NEURL1: variants seen among roughly 807,000 people sequenced by gnomAD.
NEURL1 encodes the protein E3 ubiquitin-protein ligase NEURL1.
In NEURL1, 26 loss-of-function variants were observed where a neutral mutation model predicts 41.2. The ratio of observed to expected loss-of-function variants is 0.63; its 90% CI spans 0.46 to 0.87. The LOEUF (loss-of-function observed/expected upper bound fraction) is 0.87. Among genes scored for constraint, NEURL1 ranks in the 40% least tolerant of loss-of-function variants. The pLI is 0.00. For missense variants in NEURL1, 761 were observed against 871.1 expected (o/e 0.87, Z 1.59); for synonymous variants, 400 against 402.3 (o/e 0.99, Z 0.07).
chr10:103,494,478 CTCCCCGGCCG>C lies in NEURL1; in HGVS notation c.85+7_85+16del. On this transcript the variant is annotated splice_region_variant and intron_variant, in intron 1 of 5. Coordinates refer to ENST00000369780, the MANE Select transcript of NEURL1 (RefSeq NM_004210.5). ...CCACCCCCAGAACCTCAAAGGTAGG[CTCCCCGGCCG>C]AGCGCTGCTGGAGGACTGGGGCGCA... The C allele has an allele frequency of 1.3e-5, 20 of 1,557,476 alleles. No homozygotes were observed. Among genetic ancestry groups the C allele is most frequent in the Non-Finnish European group, 1.6e-5 (18 of 1,151,780 alleles).
In NEURL1 at chr10:103,591,698, C is replaced by T. The variant is rs2036053247; in HGVS notation, c.*1326C>T. 1 of 152,234 alleles carries T rather than the reference C, an allele frequency of 6.6e-6. No homozygotes were observed. The highest frequency in any genetic ancestry group is 6.5e-5 in the Admixed American group (1 of 15,280). 9.4% of individuals were successfully genotyped at this position (152,234 alleles called of 1,614,324 possible). ...CTTAGTGCCCTGGGGCTGATGGTCA[C>T]CCAGAGCCATAGAGCACCCTTCCTC... On this transcript the variant is annotated 3_prime_UTR_variant, in exon 6 of 6. Transcript: ENST00000369780.
chr10:103,519,657 C>A (rs746972301), intron 1 of NEURL1, among the ~76,000 whole-genome samples: 22 of 152,230 alleles, frequency 1.4e-4, no homozygotes, highest in Middle Eastern at 3.4e-3. Context: ...CAGAAGATGC[C>A]AAATCTCCCT....
intron 1 of NEURL1, among the ~76,000 whole-genome samples, chr10:103,507,752 C>G (rs2033981206): frequency 6.6e-6 from 1 of 152,210 alleles, no homozygotes; most frequent in African/African-American, 2.4e-5. Context: ...TTAATGTCCT[C>G]TCTGCCTGTC....
chr10:103,558,378 GT>G lies in NEURL1; in HGVS notation c.86-12490del. 3.0e-6 allele frequency: 1 copy of G among 336,138 alleles called. No individual in the cohort carries two copies. The highest frequency in any genetic ancestry group is 4.2e-6 in the Non-Finnish European group (1 of 236,388). The allele number at this position is 336,138 out of a possible 1,614,324, so 20.8% of individuals were successfully genotyped here. A position where few individuals can be genotyped will look rare whatever the true frequency, so the allele number is the denominator to read the frequency against. On this transcript the variant is annotated intron_variant, in intron 1 of 5. Coordinates refer to ENST00000369780, the MANE Select transcript of NEURL1 (RefSeq NM_004210.5). The surrounding 1 kb of genome is among the most constrained non-coding windows in gnomAD (Gnocchi z 4.2). ...CTGATGTCAACAGATGTGTATCTGT[GT>G]TTTAGATCTCTGTGTACCTGTGTGA...
rs201830019 is a variant in NEURL1 at position 103,570,952 on chromosome 10, G to A, written c.166G>A (p.Gly56Arg). Residue 56 changes from glycine to arginine, a missense_variant, in exon 2 of 6, where the codon GGG becomes AGG. Coordinates refer to ENST00000369780, the MANE Select transcript of NEURL1 (RefSeq NM_004210.5). ...QKHCPAVLPS[G>R]GLPATPLLFH... ...GCACTGTCCGGCAGTGCTGCCCAGC[G>A]GGGGGCTCCCAGCCACGCCGCTGCT... 1.1e-5 allele frequency: 17 copies of A among 1,613,894 alleles called. No homozygotes were observed. Among genetic ancestry groups the A allele is most frequent in the Admixed American group, 3.3e-5 (2 of 60,022 alleles).
In NEURL1 at chr10:103,591,325, A is replaced by G. The variant is rs2036040994; in HGVS notation, c.*953A>G. On this transcript the variant is annotated 3_prime_UTR_variant, in exon 6 of 6. Transcript: ENST00000369780. ...AGTCAGAGCCTGTGGCACACCTGGGATGGGCCAGGGCCCTGGGTGGGGAGG... is the reference window on the plus strand; with the variant it reads ...AGTCAGAGCCTGTGGCACACCTGGGGTGGGCCAGGGCCCTGGGTGGGGAGG... The G allele has an allele frequency of 6.6e-6, 1 of 152,626 alleles. No homozygotes were observed. Among genetic ancestry groups the G allele is most frequent in the Non-Finnish European group, 1.5e-5 (1 of 68,102 alleles). 9.5% of individuals were successfully genotyped at this position (152,626 alleles called of 1,614,324 possible).
At chr10:103,577,114 T>A (rs2035682027) in intron 3 of NEURL1, among the ~76,000 whole-genome samples, 1 of 152,254 alleles carries the variant, frequency 6.6e-6, no homozygotes, top group East Asian at 1.9e-4. Context: ...CAGCTGAGGC[T>A]GCCGATCATG....
intron 1 of NEURL1, among the ~76,000 whole-genome samples, chr10:103,527,574 C>G (rs1429257159): frequency 1.3e-5 from 2 of 152,148 alleles, no homozygotes; most frequent in African/African-American, 4.8e-5. Context: ...GGATTACAGG[C>G]ATGAGTCACT....
intron 1 of NEURL1, among the ~76,000 whole-genome samples, chr10:103,551,602 C>T (rs901945462): frequency 2.0e-5 from 3 of 152,292 alleles, no homozygotes; most frequent in African/African-American, 7.2e-5. Context: ...CTGTGCCCGG[C>T]CCCAAATGAA....
rs528719693 is a variant in NEURL1, at chr10:103,522,602, C to CA, written c.85+28150dup. On this transcript the variant is annotated intron_variant, in intron 1 of 5. Transcript: ENST00000369780. ...GGGCAACAAGAGCAAAACTCCATTT[C>CA]AAAAAAAAAAAAAAAAAAAAGAAGT... 5.6e-3 allele frequency among the ~76,000 whole-genome samples: 596 copies of CA among 106,618 alleles called. 4 individuals carry two copies. Among genetic ancestry groups the CA allele is most frequent in the African/African-American group, 0.011 (329 of 28,790 alleles). 69.9% of individuals were successfully genotyped at this position (106,618 alleles called of 152,430 possible).
intron 1 of NEURL1, among the ~76,000 whole-genome samples, chr10:103,570,392 C>T (rs1458124901): frequency 1.3e-5 from 2 of 152,188 alleles, no homozygotes; most frequent in Admixed American, 1.3e-4. Context: ...GCCCCGAGGA[C>T]AGGATCCATG....
intron 1 of NEURL1, among the ~76,000 whole-genome samples, chr10:103,567,070 G>A (rs571258327): frequency 1.3e-5 from 2 of 150,726 alleles, no homozygotes; most frequent in Admixed American, 6.6e-5. Context: ...GCAACCCTCC[G>A]CCTCCTGGGT....
intron 1 of NEURL1, among the ~76,000 whole-genome samples, chr10:103,525,318 T>C (rs1592195947): frequency 6.6e-6 from 1 of 151,626 alleles, no homozygotes; most frequent in Middle Eastern, 3.4e-3. Context: ...TTCTCAGAGT[T>C]TTTTTGGTGG....
intron 1 of NEURL1, among the ~76,000 whole-genome samples, chr10:103,514,774 C>T (rs778387345): frequency 2.0e-5 from 3 of 152,134 alleles, no homozygotes; most frequent in Non-Finnish European, 4.4e-5. Context: ...GGGCCCCATA[C>T]GTAGGATAGG....
intron 1 of NEURL1, among the ~76,000 whole-genome samples, chr10:103,533,753 G>C (rs528640935): frequency 6.6e-6 from 1 of 152,070 alleles, no homozygotes; most frequent in Admixed American, 6.6e-5. Context: ...AGCCAGGATG[G>C]TCTCGATCTG....
rs150108299 is a variant in NEURL1, at chr10:103,566,202, G to A, written c.86-4670G>A. On this transcript the variant is annotated intron_variant, in intron 1 of 5. Coordinates refer to ENST00000369780, the MANE Select transcript of NEURL1 (RefSeq NM_004210.5). The surrounding 1 kb of genome is among the most constrained non-coding windows in gnomAD (Gnocchi z 4.2). ...ATTCCTGGGCTCAAGCCATCCTTGC[G>A]CTTCAGCCTCCCAAGTAGCTGGGAT... is the stretch of plus-strand genomic sequence containing the variant. 4.1e-3 allele frequency among the ~76,000 whole-genome samples: 621 copies of A among 152,060 alleles called. 2 individuals carry two copies. Among genetic ancestry groups the A allele is most frequent in the Non-Finnish European group, 7.5e-3 (507 of 67,996 alleles).
Position 103,566,101 on chromosome 10 carries a change from T to C in NEURL1, c.86-4771T>C, listed in dbSNP as rs190095903. Among the ~76,000 whole-genome samples, 9 of 152,252 alleles carry C rather than the reference T, an allele frequency of 5.9e-5. No homozygotes were observed. In the East Asian group the frequency reaches 1.7e-3, roughly 29 times the overall value. ...GAACATTATTTCTTTCTTTTCTTTT[T>C]TTTTTAGAGACAGAATCATGCTCTG... On this transcript the variant is annotated intron_variant, in intron 1 of 5. Transcript: ENST00000369780. This position sits in a 1 kb window ranked among gnomAD's most constrained non-coding sequence, Gnocchi z 4.2.
chr10:103,501,766 G>A (rs1293257933), intron 1 of NEURL1, among the ~76,000 whole-genome samples: 1 of 151,956 alleles, frequency 6.6e-6, no homozygotes, highest in Non-Finnish European at 1.5e-5. Flanking sequence ...CTGAGTAGCT[G>A]GGACTACAGG....
chr10:103,581,127 C>T (rs962007290), intron 3 of NEURL1, among the ~76,000 whole-genome samples: 1 of 152,146 alleles, frequency 6.6e-6, no homozygotes, highest in Non-Finnish European at 1.5e-5. Flanking sequence ...TCCCACTTTA[C>T]CTCGGATCTT....
Sources: gnomAD v4.1 joint callset for allele counts (sites outside exome capture counted in the v4.1 genomes callset) on GRCh38, gnomAD v4.1.1 for gene constraint, Gnocchi (gnomAD v3.1) non-coding constraint, MANE v1.5 for transcripts, NCBI Gene and HGNC (gene_info 2026-07-23, HGNC 2026-07-21) for gene names.